Variants in FAT3 observed in about 807,000 individuals in gnomAD.
FAT3 encodes FAT atypical cadherin 3.
In FAT3, 95 loss-of-function variants were observed where a neutral mutation model predicts 310.2. That is an observed-to-expected ratio of 0.31 (90% CI 0.26 to 0.36). FAT3 has a LOEUF of 0.36. Ranked by LOEUF, FAT3 falls within the 10% of genes least tolerant of loss-of-function variation. The pLI is 1.00. For synonymous variants in FAT3, 2,314 were observed against 2,192.9 expected (o/e 1.06, Z -1.54); for missense variants, 5,408 against 5,715.6 (o/e 0.95, Z 1.74).
At chr11:92,330,540 A>C (rs887398045) in intron 1 of FAT3, among the ~76,000 whole-genome samples, 9 of 152,212 alleles carry the variant, frequency 5.9e-5, no homozygotes, top group Admixed American at 1.3e-4. Flanking sequence ...GAAGGAGCAA[A>C]GTCAGAGAGT....
rs370292358 is a variant in FAT3 at position 92,800,537 on chromosome 11, C to A, written c.7524C>A (p.Asn2508Lys). The change falls in exon 10 of 28, where the codon AAC becomes AAA. Residue 2508 changes from asparagine to lysine, a missense_variant. This residue lies in a region of FAT3 where 4,588 missense variants were observed against 4,809.8 expected (regional missense o/e 0.95). Transcript: ENST00000525166. Reference sequence around the variant, plus strand: ...CATACGTAGCTGAGGTGAGAGAGAACGTGGCTGCAGGAACAAAGGTAATTC... The same window carrying A: ...CATACGTAGCTGAGGTGAGAGAGAAAGTGGCTGCAGGAACAAAGGTAATTC... ...QSTYVAEVRE[N>K]VAAGTKVIHV... 3 of 1,613,840 alleles carry A rather than the reference C, an allele frequency of 1.9e-6. No individual in the cohort carries two copies. Among genetic ancestry groups the A allele is most frequent in the Non-Finnish European group, 2.5e-6 (3 of 1,179,856 alleles).
At chr11:92,519,454 T>G (rs1360685455) in intron 2 of FAT3, among the ~76,000 whole-genome samples, 2 of 152,042 alleles carry the variant, frequency 1.3e-5, no homozygotes, top group African/African-American at 2.4e-5. Flanking sequence ...GGACAAAATT[T>G]TTATGACTTT....
chr11:92,610,753 C>G (rs1194016834), intron 3 of FAT3, among the ~76,000 whole-genome samples: 1 of 152,132 alleles, frequency 6.6e-6, no homozygotes, highest in Non-Finnish European at 1.5e-5. Flanking sequence ...TTTTCTTCCC[C>G]TCACTCCTAC....
intron 2 of FAT3, among the ~76,000 whole-genome samples, chr11:92,476,886 A>C (rs905670029): frequency 6.6e-6 from 1 of 152,196 alleles, no homozygotes; most frequent in African/African-American, 2.4e-5. Context: ...ATTTCCTGTG[A>C]CTTTCTCCTC....
intron 1 of FAT3, among the ~76,000 whole-genome samples, chr11:92,241,257 C>T (rs1565173838): frequency 6.6e-6 from 1 of 152,092 alleles, no homozygotes; most frequent in Non-Finnish European, 1.5e-5. Context: ...TTCTTGGGAG[C>T]TCCTCCTTGT....
rs1325542531 is a variant in FAT3, at chr11:92,799,414, C to A, written c.6401C>A (p.Pro2134His). The A allele has an allele frequency of 3.7e-6, 6 of 1,613,572 alleles. No individual in the cohort carries two copies. In the South Asian group the frequency reaches 5.5e-5, roughly 15 times the overall value. ...GACTATGGCCACTTTGAAATTAACC[C>A]TAATTCAGGGAATGTTATTTTAAAG... ...QDDYGHFEINPNSGNVILKEA... is the reference protein window; with the variant it reads ...QDDYGHFEINHNSGNVILKEA... Residue 2134 changes from proline (P) to histidine (H), a missense_variant, in exon 10 of 28, where the codon CCT (proline) becomes CAT (histidine). Coordinates refer to ENST00000525166, the MANE Select transcript of FAT3 (RefSeq NM_001367949.2).
At chr11:92,631,601 C>G (rs1311419805) in intron 3 of FAT3, among the ~76,000 whole-genome samples, 1 of 152,090 alleles carries the variant, frequency 6.6e-6, no homozygotes, top group Non-Finnish European at 1.5e-5. Context: ...CTGCCATGAT[C>G]ACAAGTTTCC....
At chr11:92,807,057 G>A (rs1241152535) in intron 12 of FAT3, among the ~76,000 whole-genome samples, 1 of 152,132 alleles carries the variant, frequency 6.6e-6, no homozygotes, top group Non-Finnish European at 1.5e-5. Flanking sequence ...ACATGGTGAT[G>A]ACTTTTAGTC....
chr11:92,851,866 T>G (rs1445398066), intron 19 of FAT3, among the ~76,000 whole-genome samples: 1 of 152,228 alleles, frequency 6.6e-6, no homozygotes, highest in East Asian at 1.9e-4. Flanking sequence ...TGCCTTCTCT[T>G]AACTGGTACT....
intron 2 of FAT3, among the ~76,000 whole-genome samples, chr11:92,385,488 C>G (rs748141667): frequency 1.3e-5 from 2 of 152,160 alleles, no homozygotes; most frequent in Non-Finnish European, 2.9e-5. Context: ...GTGCCTCAGC[C>G]TCCCAAGTAG....
At chr11:92,612,880 G>A (rs1433525200) in intron 3 of FAT3, among the ~76,000 whole-genome samples, 2 of 152,150 alleles carry the variant, frequency 1.3e-5, no homozygotes, top group African/African-American at 4.8e-5. Flanking sequence ...CACAGGGAAT[G>A]GGGTGAGCAA....
intron 5 of FAT3, 63 bp downstream of exon 5, chr11:92,762,233 G>C (rs1565573910): frequency 1.4e-6 from 2 of 1,465,116 alleles, no homozygotes; most frequent in Admixed American, 2.1e-5. Flanking sequence ...TCTTATTCAA[G>C]TATACTCCTT....
chr11:92,387,110 G>A (rs998554921), intron 2 of FAT3, among the ~76,000 whole-genome samples: 3 of 142,346 alleles, frequency 2.1e-5, no homozygotes, highest in South Asian at 4.5e-4. Flanking sequence ...GTGTGTGTGT[G>A]TAACAGAGGG....
At chr11:92,772,115 G>A (rs2136111320) in intron 6 of FAT3, among the ~76,000 whole-genome samples, 1 of 152,208 alleles carries the variant, frequency 6.6e-6, no homozygotes, top group Middle Eastern at 3.4e-3. Flanking sequence ...AACATTAGAG[G>A]ATGACTCCTT....
intron 3 of FAT3, among the ~76,000 whole-genome samples, chr11:92,605,549 A>T (rs1486197957): frequency 6.6e-6 from 1 of 152,172 alleles, no homozygotes. Flanking sequence ...AGGGGCTTCC[A>T]TAAGAAAGAG....
intron 1 of FAT3, among the ~76,000 whole-genome samples, chr11:92,341,541 C>G (rs1948262163): frequency 6.6e-6 from 1 of 152,194 alleles, no homozygotes; most frequent in Non-Finnish European, 1.5e-5. Flanking sequence ...ATGGTAATAT[C>G]AGGAGACAAG....
chr11:92,685,729 C>T (rs957852421), intron 3 of FAT3, among the ~76,000 whole-genome samples: 1 of 151,888 alleles, frequency 6.6e-6, no homozygotes, highest in African/African-American at 2.4e-5. Context: ...AAAGGTATTC[C>T]TTTAATGAAC....
chr11:92,815,009 C>T (rs947152402), intron 13 of FAT3, among the ~76,000 whole-genome samples: 1 of 151,984 alleles, frequency 6.6e-6, no homozygotes, highest in Admixed American at 6.6e-5. Context: ...TCATGTAGTC[C>T]AAGAGGGAGG....
intron 2 of FAT3, among the ~76,000 whole-genome samples, chr11:92,365,101 A>G (rs569093547): frequency 3.9e-5 from 6 of 152,236 alleles, no homozygotes; most frequent in African/African-American, 1.4e-4. Flanking sequence ...CTCTACCAAC[A>G]AAATATAAAA....
Sources: allele counts gnomAD v4.1 joint callset (sites outside exome capture counted in the v4.1 genomes callset), GRCh38; gene constraint gnomAD v4.1.1; regional missense constraint gnomAD v4.1.1; transcripts MANE v1.5; gene names NCBI Gene and HGNC (gene_info 2026-07-23, HGNC 2026-07-21).